Variants in CATSPERB observed in about 807,000 individuals in gnomAD.
CATSPERB encodes catsper channel auxiliary subunit beta.
In CATSPERB, 93 loss-of-function variants were observed where a neutral mutation model predicts 128.3. The ratio of observed to expected loss-of-function variants is 0.72; its 90% CI spans 0.61 to 0.86. The LOEUF is 0.86. CATSPERB is among the 40% of genes least tolerant of loss of function. The pLI, the probability that CATSPERB is intolerant of heterozygous loss-of-function variation, is 0.00. For missense variants in CATSPERB, 1,153 were observed against 1,329.5 expected (o/e 0.87, Z 2.06); for synonymous variants, 381 against 448.8 (o/e 0.85, Z 1.91).
intron 22 of CATSPERB, chr14:91,592,349 A>G (rs776995679): frequency 3.3e-6 from 1 of 302,542 alleles, no homozygotes; most frequent in Non-Finnish European, 6.2e-6. Context: ...AGACGGAAAC[A>G]TAAAATGAGT....
intron 11 of CATSPERB, among the ~76,000 whole-genome samples, chr14:91,676,733 G>T (rs1407779643): frequency 6.6e-6 from 1 of 151,844 alleles, no homozygotes; most frequent in Non-Finnish European, 1.5e-5. Flanking sequence ...AATGTCAATG[G>T]TATGGAACCA....
At chr14:91,595,400 C>A (rs923443999) in intron 22 of CATSPERB, among the ~76,000 whole-genome samples, 1 of 151,804 alleles carries the variant, frequency 6.6e-6, no homozygotes, top group Admixed American at 6.6e-5. Context: ...ATCTCCTGAC[C>A]TCGTGGTCTG....
intron 14 of CATSPERB, among the ~76,000 whole-genome samples, chr14:91,669,383 C>A (rs147174476): frequency 0.012 from 1,837 of 151,634 alleles, 21 homozygotes; most frequent in Middle Eastern, 0.038. Flanking sequence ...ACTGAAGGAG[C>A]AGCCAGAGGG....
chr14:91,621,488 G>T, intron 19 of CATSPERB, 120 bp downstream of exon 19: 1 of 731,050 alleles, frequency 1.4e-6, no homozygotes. Flanking sequence ...ACTGTTAGTA[G>T]TAGAATGCCA....
intron 14 of CATSPERB, 32 bp downstream of exon 14, chr14:91,669,782 C>CT (rs762955736): frequency 6.3e-7 from 1 of 1,586,934 alleles, no homozygotes; most frequent in Non-Finnish European, 8.6e-7. Context: ...TGATTTAACT[C>CT]TAACACAGAC....
intron 6 of CATSPERB, among the ~76,000 whole-genome samples, chr14:91,707,708 C>T (rs1435879075): frequency 6.8e-6 from 1 of 147,606 alleles, no homozygotes; most frequent in Non-Finnish European, 1.5e-5. Context: ...AAGCGATTCT[C>T]CTGCCTCAGT....
chr14:91,663,644 C>CAAAA (rs34498815), intron 14 of CATSPERB, among the ~76,000 whole-genome samples: 47 of 86,708 alleles, frequency 5.4e-4, no homozygotes, highest in African/African-American at 8.1e-4. Flanking sequence ...GACTCCGTCT[C>CAAAA]AAAAAAAAAA....
chr14:91,634,535 G>A (rs1054505212), intron 17 of CATSPERB, among the ~76,000 whole-genome samples: 5 of 151,362 alleles, frequency 3.3e-5, no homozygotes, highest in African/African-American at 1.2e-4. Flanking sequence ...AGGAAAAGAA[G>A]TCATTATATA....
intron 5 of CATSPERB, chr14:91,710,253 T>C (rs558048920): frequency 2.6e-5 from 4 of 152,212 alleles, no homozygotes; most frequent in Non-Finnish European, 4.4e-5. Flanking sequence ...AAAAAAAAGA[T>C]TTCTTCATTA....
At chr14:91,610,811 T>C (rs1893811578) in intron 20 of CATSPERB, 134 bp from the exon 21 acceptor site, 1 of 786,232 alleles carries the variant, frequency 1.3e-6, no homozygotes, top group East Asian at 2.7e-5. Context: ...ATAGGGCCTT[T>C]AAGGAGGTAA....
rs374186853 is a variant in CATSPERB at position 91,634,198 on chromosome 14, GA to G, written c.1742+2226del. ...ATTCTTACAATAAAGTAAGCTACGGGAAAAAATGTTATTAAGAAAATCGTAA... is the reference window on the plus strand; with the variant it reads ...ATTCTTACAATAAAGTAAGCTACGGGAAAAATGTTATTAAGAAAATCGTAA... On this transcript the variant is annotated intron_variant, in intron 17 of 26. Transcript: ENST00000256343. 2.6e-3 allele frequency among the ~76,000 whole-genome samples: 397 copies of G among 152,170 alleles called. 3 individuals carry two copies. Among genetic ancestry groups the G allele is most frequent in the African/African-American group, 7.5e-3 (313 of 41,528 alleles).
intron 14 of CATSPERB, among the ~76,000 whole-genome samples, chr14:91,665,084 G>C (rs773291421): frequency 6.6e-6 from 1 of 152,046 alleles, no homozygotes; most frequent in Non-Finnish European, 1.5e-5. Flanking sequence ...GTGGAGACAG[G>C]GTTTTGGCAT....
At chr14:91,717,653 C>T (rs192880618) in intron 5 of CATSPERB, among the ~76,000 whole-genome samples, 361 of 152,338 alleles carry the variant, frequency 2.4e-3, no homozygotes, top group Non-Finnish European at 3.9e-3. Context: ...ACTGCCACTA[C>T]AATGACTATT....
At position 91,730,865 on chromosome 14, in the gene CATSPERB, A is replaced by G. The variant is rs146163178; in HGVS notation, c.-1+1065T>C. Among the ~76,000 whole-genome samples the G allele has an allele frequency of 5.2e-3, 790 of 152,302 alleles. 7 individuals are homozygous for G. Among genetic ancestry groups the G allele is most frequent in the African/African-American group, 0.018 (738 of 41,570 alleles). On this transcript the variant is annotated intron_variant, in intron 1 of 26. Coordinates refer to ENST00000256343, the MANE Select transcript of CATSPERB (RefSeq NM_024764.4). ...ATTTTTTTGAATTCATTCTTATCAC[A>G]TTAACAGGGGAGAACTGAAGGTTTT...
At chr14:91,599,593 A>G (rs1161601374) in intron 22 of CATSPERB, among the ~76,000 whole-genome samples, 1 of 151,250 alleles carries the variant, frequency 6.6e-6, no homozygotes, top group Non-Finnish European at 1.5e-5. Context: ...AGGGTTGAGG[A>G]TGCACCCGTG....
At chr14:91,681,416 A>T (rs1161315022) in intron 11 of CATSPERB, among the ~76,000 whole-genome samples, 1 of 152,210 alleles carries the variant, frequency 6.6e-6, no homozygotes, top group Non-Finnish European at 1.5e-5. Flanking sequence ...CTCTAAAAAA[A>T]TTGCATTGCC....
At chr14:91,686,280 G>C (rs1411987552) in intron 10 of CATSPERB, among the ~76,000 whole-genome samples, 1 of 152,110 alleles carries the variant, frequency 6.6e-6, no homozygotes, top group Non-Finnish European at 1.5e-5. Context: ...CATGAAAGTA[G>C]GGACTTTGTC....
chr14:91,649,887 A>G (rs1894675662), intron 15 of CATSPERB, among the ~76,000 whole-genome samples: 1 of 152,008 alleles, frequency 6.6e-6, no homozygotes, highest in African/African-American at 2.4e-5. Flanking sequence ...TTTTGTGTCA[A>G]TAATATTTAT....
intron 7 of CATSPERB, among the ~76,000 whole-genome samples, chr14:91,701,407 A>G (rs1895646115): frequency 6.6e-6 from 1 of 152,178 alleles, no homozygotes; most frequent in Non-Finnish European, 1.5e-5. Flanking sequence ...CTTTATGGAA[A>G]GAAAGTTAAG....
Sources: gnomAD v4.1 joint callset for allele counts (sites outside exome capture counted in the v4.1 genomes callset) on GRCh38, gnomAD v4.1.1 for gene constraint, MANE v1.5 for transcripts, NCBI Gene and HGNC (gene_info 2026-07-23, HGNC 2026-07-21) for gene names.